Variants in PDE4B observed in about 807,000 individuals in gnomAD.
PDE4B encodes the protein phosphodiesterase 4B.
Under a neutral mutation model 82.2 loss-of-function variants are expected in PDE4B, and 20 were observed. The observed-to-expected ratio is 0.24, with a 90% CI of 0.17 to 0.35. The LOEUF is 0.35. PDE4B is among the 10% of genes least tolerant of loss of function. PDE4B has a pLI of 1.00. For synonymous variants in PDE4B, 320 were observed against 318.9 expected, an observed-to-expected ratio of 1.00 and a Z score of -0.04; for missense variants, 655 against 907.2, an observed-to-expected ratio of 0.72 and a Z score of 3.57.
At chr1:65,806,401 T>C (rs1282845470) in intron 1 of PDE4B, among the ~76,000 whole-genome samples, 14 of 152,206 alleles carry the variant, frequency 9.2e-5, no homozygotes, top group Admixed American at 9.2e-4. Context: ...ATTAATTTTA[T>C]TTTTATTGAA....
intron 3 of PDE4B, among the ~76,000 whole-genome samples, chr1:65,941,641 A>G (rs1648454000): frequency 6.6e-6 from 1 of 152,068 alleles, no homozygotes; most frequent in South Asian, 2.1e-4. Flanking sequence ...AAACAGAAAA[A>G]AACTTTCTGG....
intron 3 of PDE4B, among the ~76,000 whole-genome samples, chr1:66,120,374 T>G (rs1645685121): frequency 6.6e-6 from 1 of 152,252 alleles, no homozygotes. Context: ...TTAATTGAAG[T>G]ACATTCTCCT....
intron 7 of PDE4B, among the ~76,000 whole-genome samples, chr1:66,312,170 A>T (rs1658720216): frequency 6.6e-6 from 1 of 152,080 alleles, no homozygotes. Context: ...TCTAAATGAG[A>T]GCTTTAGGTG....
At chr1:66,176,859 TG>T (rs1646940390) in intron 3 of PDE4B, among the ~76,000 whole-genome samples, 1 of 152,236 alleles carries the variant, frequency 6.6e-6, no homozygotes, top group African/African-American at 2.4e-5. Flanking sequence ...ACTTCTTAAA[TG>T]AACACTTATT....
chr1:66,094,075 T>G (rs564094744), intron 3 of PDE4B, among the ~76,000 whole-genome samples: 47 of 151,952 alleles, frequency 3.1e-4, no homozygotes, highest in African/African-American at 1.1e-3. Flanking sequence ...CAGCAAGAAA[T>G]AATATGAAGA....
At chr1:65,870,007 G>C (rs1245704544) in intron 1 of PDE4B, among the ~76,000 whole-genome samples, 1 of 152,072 alleles carries the variant, frequency 6.6e-6, no homozygotes, top group Non-Finnish European at 1.5e-5. Context: ...AAGGGTTTGA[G>C]AACTAAGACA....
At chr1:66,113,509 A>T (rs961466111) in intron 3 of PDE4B, among the ~76,000 whole-genome samples, 2 of 152,230 alleles carry the variant, frequency 1.3e-5, no homozygotes, top group African/African-American at 4.8e-5. Flanking sequence ...AGATAATTTT[A>T]ATCACTGAGT....
chr1:66,154,275 C>G (rs1285370728), intron 3 of PDE4B, among the ~76,000 whole-genome samples: 1 of 152,166 alleles, frequency 6.6e-6, no homozygotes, highest in Non-Finnish European at 1.5e-5. Context: ...TCTCTGTAAT[C>G]TGAACATAGA....
chr1:66,361,580 A>G (rs767535106), intron 9 of PDE4B, 35 bp from the exon 10 acceptor site: 2 of 1,563,884 alleles, frequency 1.3e-6, no homozygotes, highest in Non-Finnish European at 8.8e-7. Flanking sequence ...TCATAGACAC[A>G]TGTGCTGAAA....
At chr1:66,030,094 A>C (rs1653684797) in intron 3 of PDE4B, among the ~76,000 whole-genome samples, 1 of 145,292 alleles carries the variant, frequency 6.9e-6, no homozygotes, top group Admixed American at 7.0e-5. Context: ...CTTTTTCTGC[A>C]TCTATTGGGA....
At chr1:66,207,625 T>A (rs1649656175) in intron 3 of PDE4B, among the ~76,000 whole-genome samples, 1 of 152,184 alleles carries the variant, frequency 6.6e-6, no homozygotes, top group Non-Finnish European at 1.5e-5. Flanking sequence ...GGAAACATAG[T>A]CTGTTTAATT....
At chr1:66,150,938 A>G (rs1646380410) in intron 3 of PDE4B, among the ~76,000 whole-genome samples, 1 of 151,998 alleles carries the variant, frequency 6.6e-6, no homozygotes, top group African/African-American at 2.4e-5. Flanking sequence ...ATTCGCTAGA[A>G]TTTTGTTGAG....
intron 3 of PDE4B, among the ~76,000 whole-genome samples, chr1:65,920,880 G>A (rs891855780): frequency 9.9e-5 from 15 of 151,086 alleles, no homozygotes; most frequent in Non-Finnish European, 2.2e-4. Flanking sequence ...TCAATTAACA[G>A]GATACTTTTT....
intron 3 of PDE4B, among the ~76,000 whole-genome samples, chr1:66,082,115 C>T (rs913249114): frequency 2.6e-5 from 4 of 152,006 alleles, no homozygotes; most frequent in African/African-American, 7.2e-5. Context: ...AATATGATAG[C>T]ATTCACTCCC....
intron 7 of PDE4B, chr1:66,331,672 A>G: frequency 1.2e-6 from 1 of 832,036 alleles, no homozygotes. Context: ...CAGAGTGTTC[A>G]CATCTGGCTC....
intron 3 of PDE4B, among the ~76,000 whole-genome samples, chr1:66,080,571 A>G (rs1351958032): frequency 6.6e-6 from 1 of 152,150 alleles, no homozygotes; most frequent in Non-Finnish European, 1.5e-5. Context: ...TAGGAAGTCT[A>G]TAGAAAACAA....
At chr1:65,939,477 A>G (rs1357105805) in intron 3 of PDE4B, among the ~76,000 whole-genome samples, 1 of 152,180 alleles carries the variant, frequency 6.6e-6, no homozygotes, top group African/African-American at 2.4e-5. Flanking sequence ...GACAGCTGTC[A>G]TACCAGGCTG....
At chr1:66,360,273 G>T (rs1662650075) in intron 9 of PDE4B, among the ~76,000 whole-genome samples, 1 of 152,042 alleles carries the variant, frequency 6.6e-6, no homozygotes. Context: ...GATATGTTAG[G>T]GATGGATAAT....
chr1:66,320,710 C>T (rs973949619), intron 7 of PDE4B, among the ~76,000 whole-genome samples: 1 of 152,096 alleles, frequency 6.6e-6, no homozygotes, highest in Non-Finnish European at 1.5e-5. Flanking sequence ...ATTCTCTACC[C>T]TCAAGAAGGT....
Sources: gnomAD v4.1 joint callset for allele counts (sites outside exome capture counted in the v4.1 genomes callset) on GRCh38, gnomAD v4.1.1 for gene constraint, MANE v1.5 for transcripts, NCBI Gene and HGNC (gene_info 2026-07-23, HGNC 2026-07-21) for gene names.